The following TRIM2 variants were observed in gnomAD, a reference collection of about 807,000 sequenced individuals.
TRIM2 encodes the protein tripartite motif containing 2.
A neutral mutation model predicts 75.2 loss-of-function variants in TRIM2; 20 were observed. The observed-to-expected ratio is 0.27, with a 90% confidence interval of 0.19 to 0.39. The LOEUF (loss-of-function observed/expected upper bound fraction) is 0.39. TRIM2 is among the 10% of genes least tolerant of loss of function. TRIM2 has a pLI of 1.00. For synonymous variants in TRIM2, 373 were observed against 388.3 expected, an observed-to-expected ratio of 0.96 and a Z score of 0.46; for missense variants, 660 against 990.8, an observed-to-expected ratio of 0.67 and a Z score of 4.48.
At chr4:153,239,998 T>G (rs1746129307) in intron 1 of TRIM2, among the ~76,000 whole-genome samples, 1 of 152,062 alleles carries the variant, frequency 6.6e-6, no homozygotes, top group Non-Finnish European at 1.5e-5. Flanking sequence ...CACGCCCAGC[T>G]AATTTTTCTA....
intron 1 of TRIM2, among the ~76,000 whole-genome samples, chr4:153,251,917 C>T (rs889092559): frequency 1.4e-5 from 2 of 139,728 alleles, no homozygotes; most frequent in Non-Finnish European, 3.0e-5. Flanking sequence ...GGAGGTCGAG[C>T]AGCAGTCACG....
At chr4:153,266,207 T>A (rs1250624787) in intron 1 of TRIM2, among the ~76,000 whole-genome samples, 3 of 152,152 alleles carry the variant, frequency 2.0e-5, no homozygotes, top group African/African-American at 7.2e-5. Context: ...ACTCTGTGAG[T>A]GCCCCAGGCT....
At chr4:153,327,754 AC>A (rs1435494020) in intron 10 of TRIM2, among the ~76,000 whole-genome samples, 2 of 152,184 alleles carry the variant, frequency 1.3e-5, no homozygotes, top group African/African-American at 4.8e-5. Flanking sequence ...CCACTGCTTG[AC>A]CATATCAGAT....
At chr4:153,266,843 G>T (rs1459285701) in intron 1 of TRIM2, 1 of 150,866 alleles carries the variant, frequency 6.6e-6, no homozygotes, top group Non-Finnish European at 1.5e-5. Flanking sequence ...TGGAAAATGG[G>T]TGTGTCATGT....
intron 3 of TRIM2, 81 bp from the exon 4 acceptor site, chr4:153,292,901 G>C (rs1175521652): frequency 6.2e-6 from 8 of 1,297,940 alleles, no homozygotes; most frequent in Non-Finnish European, 8.1e-6. Flanking sequence ...AATTATGAGA[G>C]ACTGCAAGGC....
chr4:153,267,835 G>T (rs1298372990), intron 1 of TRIM2, among the ~76,000 whole-genome samples: 1 of 151,054 alleles, frequency 6.6e-6, no homozygotes, highest in African/African-American at 2.4e-5. Flanking sequence ...GGTTCACCTC[G>T]CCTGCTGCCT....
chr4:153,204,021 C>T (rs1435672823), upstream of TRIM2, among the ~76,000 whole-genome samples: 1 of 152,206 alleles, frequency 6.6e-6, no homozygotes, highest in East Asian at 1.9e-4. Flanking sequence ...ATCAAACTAA[C>T]TTTCTTGGCC....
chr4:153,273,532 A>T (rs1757361126), intron 2 of TRIM2, among the ~76,000 whole-genome samples: 1 of 139,034 alleles, frequency 7.2e-6, no homozygotes, highest in Non-Finnish European at 1.5e-5. Flanking sequence ...TGCCCTCGTG[A>T]TCCACCCGCC....
intron 3 of TRIM2, among the ~76,000 whole-genome samples, chr4:153,281,781 G>A (rs1473809660): frequency 6.6e-6 from 1 of 152,210 alleles, no homozygotes; most frequent in Non-Finnish European, 1.5e-5. Context: ...AAAAATAATG[G>A]TCAGTGATCT....
At chr4:153,175,525 C>T (rs1488278693) in intron 1 of TRIM2, among the ~76,000 whole-genome samples, 2 of 151,916 alleles carry the variant, frequency 1.3e-5, no homozygotes, top group African/African-American at 2.4e-5. Flanking sequence ...AAAACACACT[C>T]AGGAAGCTTC....
intron 1 of TRIM2, among the ~76,000 whole-genome samples, chr4:153,244,260 TCCTCCTCCTCC>T (rs1560873120): frequency 0.022 from 97 of 4,410 alleles, 14 homozygotes; most frequent in Non-Finnish European, 0.029. Flanking sequence ...TCTTTCCTCC[TCCTCCTCCTCC>T]TCCTCCTCCT....
chr4:153,199,374 T>G (rs1230508851), intron 1 of TRIM2, among the ~76,000 whole-genome samples: 1 of 152,198 alleles, frequency 6.6e-6, no homozygotes, highest in African/African-American at 2.4e-5. Flanking sequence ...AAATATATGC[T>G]GAAAGAAGTA....
chr4:153,225,668 T>C (rs907913091), intron 1 of TRIM2, among the ~76,000 whole-genome samples: 1 of 152,162 alleles, frequency 6.6e-6, no homozygotes, highest in Non-Finnish European at 1.5e-5. Context: ...TTGAGATAAA[T>C]AGGTAGAGAG....
Position 153,248,604 on chromosome 4 carries a change from AACAG to A in TRIM2, c.31-21726_31-21723del, listed in dbSNP as rs1233507623. ...GGAGGTAGCATTTTACAAACGAGCT[AACAG>A]ACAGGCAAGGAGCAACCTGCAGATA... On this transcript the variant is annotated intron_variant, in intron 1 of 11. Transcript: ENST00000338700. The surrounding 1 kb of genome is among the most constrained non-coding windows in gnomAD (Gnocchi z 4.0). Among the ~76,000 whole-genome samples the A allele has an allele frequency of 2.0e-5, 3 of 152,222 alleles. No individual in the cohort carries two copies. The highest frequency in any genetic ancestry group is 2.9e-5 in the Non-Finnish European group (2 of 68,040).
At chr4:153,176,990 G>A (rs529451058) in intron 1 of TRIM2, among the ~76,000 whole-genome samples, 24 of 152,318 alleles carry the variant, frequency 1.6e-4, no homozygotes, top group South Asian at 6.2e-4. Flanking sequence ...TCAAGAGTGA[G>A]GTTTACTTCT....
chr4:153,163,217 G>A (rs1263826258), intron 1 of TRIM2, among the ~76,000 whole-genome samples: 1 of 151,946 alleles, frequency 6.6e-6, no homozygotes, highest in Non-Finnish European at 1.5e-5. Flanking sequence ...ACAGGGTCTT[G>A]CTCTGTTGCC....
chr4:153,203,205 T>C (rs539021857), upstream of TRIM2, among the ~76,000 whole-genome samples: 26 of 151,614 alleles, frequency 1.7e-4, no homozygotes, highest in African/African-American at 6.0e-4. Context: ...GAACTTCTGA[T>C]ATGTTTGATC....
intron 1 of TRIM2, among the ~76,000 whole-genome samples, chr4:153,170,327 ATGTTTT>A (rs1730718452): frequency 6.6e-6 from 1 of 152,190 alleles, no homozygotes; most frequent in South Asian, 2.1e-4. Context: ...TCATTAGAAT[ATGTTTT>A]TAAACTAATC....
upstream of TRIM2, among the ~76,000 whole-genome samples, chr4:153,200,643 T>A (rs956003444): frequency 5.9e-5 from 9 of 151,382 alleles, no homozygotes; most frequent in Admixed American, 5.3e-4. Flanking sequence ...CCATTTTACA[T>A]TCCACCAGCA....
Sources: allele counts gnomAD v4.1 joint callset (sites outside exome capture counted in the v4.1 genomes callset), GRCh38; gene constraint gnomAD v4.1.1; non-coding constraint Gnocchi (gnomAD v3.1); transcripts MANE v1.5; gene names NCBI Gene and HGNC (gene_info 2026-07-23, HGNC 2026-07-21).